Variants in GDF1 observed in about 807,000 individuals in gnomAD.
The protein encoded by GDF1 is embryonic growth/differentiation factor 1.
In GDF1, 8 loss-of-function variants were observed where a neutral mutation model predicts 7.4. The ratio of observed to expected loss-of-function variants is 1.09; its 90% CI spans 0.64 to 1.96. GDF1 has a LOEUF of 1.96. Ranked by LOEUF, GDF1 falls within the 30% of genes most tolerant of loss-of-function variation. The pLI is 0.00. For missense variants in GDF1, 574 were observed against 551.5 expected (o/e 1.04, Z -0.41); for synonymous variants, 311 against 276.7 (o/e 1.12, Z -1.23).
Position 18,869,299 on chromosome 19 carries a change from A to T in GDF1, c.417T>A (p.Ala139=). The T allele has an allele frequency of 3.3e-6, 5 of 1,514,974 alleles. No individual in the cohort carries two copies. Among genetic ancestry groups the T allele is most frequent in the Non-Finnish European group, 4.4e-6 (5 of 1,138,932 alleles). The allele number at this position is 1,514,974 out of a possible 1,614,324, so 93.8% of individuals were successfully genotyped here. ...VVFDLSAVEP[A]ERPSRARLEL... ...CCAGGCGGGCCCGGCTCGGGCGCTC[A>T]GCGGGTTCCACAGCCGACAGGTCGA... The change falls in exon 8 of 8, where the codon GCT becomes GCA. Residue 139 remains alanine, a synonymous_variant. Coordinates refer to ENST00000247005, the MANE Select transcript of GDF1 (RefSeq NM_001492.6).
chr19:18,869,451 C>G (rs973806207), intron 7 of GDF1, 61 bp from the exon 8 acceptor site: 2 of 1,499,946 alleles, frequency 1.3e-6, no homozygotes, highest in African/African-American at 2.8e-5. Context: ...CATGGGGTCT[C>G]GGTTAGGGAC....
chr19:18,894,410 G>C (rs962729555), intron 1 of GDF1, among the ~76,000 whole-genome samples: 4 of 152,164 alleles, frequency 2.6e-5, no homozygotes, highest in South Asian at 4.1e-4. Flanking sequence ...CTGGCAACCA[G>C]GCTGCTGCCA....
At chr19:18,879,209 G>T in intron 5 of GDF1, 32 bp downstream of exon 5, 1 of 1,612,376 alleles carries the variant, frequency 6.2e-7, no homozygotes, top group Non-Finnish European at 8.5e-7. Context: ...GGACGGGACC[G>T]CCACTGTGGA....
chr19:18,868,594 G>T lies in GDF1; in HGVS notation c.*3C>A. ...TTGGGCCCGCGTCCCTGCCCGCCCC[G>T]GGTTAGCGGCAGCCGCACTCGTCCA... On this transcript the variant is annotated 3_prime_UTR_variant, in exon 8 of 8. Coordinates refer to ENST00000247005, the MANE Select transcript of GDF1 (RefSeq NM_001492.6). 1 of 1,553,590 alleles carries T rather than the reference G, an allele frequency of 6.4e-7. No individual in the cohort carries two copies. The highest frequency in any genetic ancestry group is 8.7e-7 in the Non-Finnish European group (1 of 1,147,664).
intron 6 of GDF1, among the ~76,000 whole-genome samples, chr19:18,872,171 GC>G (rs2055982071): frequency 1.3e-5 from 2 of 152,210 alleles, no homozygotes; most frequent in South Asian, 4.1e-4. Flanking sequence ...GGTGATGGGT[GC>G]CCCCGCCCTG....
chr19:18,895,801 T>C lies in GDF1; in HGVS notation c.-1074+23A>G. 1 of 1,195,070 alleles carries C rather than the reference T, an allele frequency of 8.4e-7. No homozygotes were observed. The highest frequency in any genetic ancestry group is 1.0e-6 in the Non-Finnish European group (1 of 954,152). The allele number at this position is 1,195,070 out of a possible 1,614,324, so 74.0% of individuals were successfully genotyped here. On this transcript the variant is annotated intron_variant, in intron 1 of 7. Coordinates refer to ENST00000247005, the MANE Select transcript of GDF1 (RefSeq NM_001492.6). This position sits in a 1 kb window ranked among gnomAD's most constrained non-coding sequence, Gnocchi z 6.4. ...CTTCCCCCAGTCCGGGGTCCCCTCGTCCCGGCCCCCGGCCACACTGACCCG... is the reference window on the plus strand; with the variant it reads ...CTTCCCCCAGTCCGGGGTCCCCTCGCCCCGGCCCCCGGCCACACTGACCCG...
Position 18,884,152 on chromosome 19 carries a change from G to C in GDF1, c.-798C>G, listed in dbSNP as rs370642443. ...CGTGGTGGAGCAGCATGACCACCGA[G>C]TCCTTGCGCCAGGTGTCCATGTATA... On this transcript the variant is annotated 5_prime_UTR_variant, in exon 3 of 8. Transcript: ENST00000247005. 2.5e-6 allele frequency: 4 copies of C among 1,613,716 alleles called. No individual in the cohort carries two copies. In the African/African-American group the frequency reaches 4.0e-5, roughly 16 times the overall value.
At chr19:18,892,237 G>A (rs2056508002) in intron 2 of GDF1, among the ~76,000 whole-genome samples, 2 of 151,546 alleles carry the variant, frequency 1.3e-5, no homozygotes, top group South Asian at 2.1e-4. Flanking sequence ...TGCAAGCCGA[G>A]GGGACCCTCC....
chr19:18,896,067 C>A lies in GDF1; in HGVS notation c.-1317G>T. On this transcript the variant is annotated 5_prime_UTR_variant, in exon 1 of 8. Coordinates refer to ENST00000247005, the MANE Select transcript of GDF1 (RefSeq NM_001492.6). This position sits in a 1 kb window ranked among gnomAD's most constrained non-coding sequence, Gnocchi z 5.9. ...TCGGCCCCGCCGCGGGCCCCGCCGC[C>A]GCCATACCGCCCGCTCGCCCGCCGT... The A allele has an allele frequency of 1.0e-6, 1 of 974,538 alleles. No homozygotes were observed. 60.4% of individuals were successfully genotyped at this position (974,538 alleles called of 1,614,324 possible). A position where few individuals can be genotyped will look rare whatever the true frequency, so the allele number is the denominator to read the frequency against.
In GDF1 at chr19:18,870,137, C is replaced by T. The variant is rs968287517; in HGVS notation, c.171G>A (p.Pro57=). 6.4e-7 allele frequency: 1 copy of T among 1,564,510 alleles called. No individual in the cohort carries two copies. The highest frequency in any genetic ancestry group is 1.3e-5 in the African/African-American group (1 of 74,546). The change falls in exon 7 of 8, where the codon CCG becomes CCA. Residue 57 remains proline (P), a synonymous_variant. Transcript: ENST00000247005. The surrounding 1 kb of genome is among the most constrained non-coding windows in gnomAD (Gnocchi z 5.1). The part of the protein sequence containing the change: ...DEPQGAPRLR[P]VPPVMWRLFR... Reference sequence around the variant, plus strand: ...ACAGGCGCCACATGACCGGGGGAACCGGCCGGAGCCTGGGGGCACCCTGGG... The same window carrying T: ...ACAGGCGCCACATGACCGGGGGAACTGGCCGGAGCCTGGGGGCACCCTGGG...
At chr19:18,880,132 T>C in intron 4 of GDF1, 142 bp downstream of exon 4, 1 of 607,908 alleles carries the variant, frequency 1.6e-6, no homozygotes, top group South Asian at 2.1e-5. Context: ...CCCACCCAAA[T>C]CATGAGGCCC....
chr19:18,869,427 G>A (rs746250122), intron 7 of GDF1, 37 bp from the exon 8 acceptor site: 1 of 1,522,180 alleles, frequency 6.6e-7, no homozygotes. Context: ...CTCGCGCTGC[G>A]TCCCCGGCCT....
At chr19:18,893,814 G>A (rs1011541962) in intron 1 of GDF1, among the ~76,000 whole-genome samples, 18 of 152,102 alleles carry the variant, frequency 1.2e-4, no homozygotes, top group East Asian at 1.9e-4. Context: ...GGGAGGCCCC[G>A]AGGGGAGCAG....
rs1377100866 is a variant in GDF1, at chr19:18,878,013, C to T, written c.-313+917G>A. 1 of 985,424 alleles carries T rather than the reference C, an allele frequency of 1.0e-6. No homozygotes were observed. Among genetic ancestry groups the T allele is most frequent in the African/African-American group, 1.7e-5 (1 of 57,210 alleles). The allele number at this position is 985,424 out of a possible 1,614,324, so 61.0% of individuals were successfully genotyped here. ...GGTGGGGGGTCTGACGCTCCTCTGC[C>T]TGGCTACAGCCCCGGATGTGTTAAA... On this transcript the variant is annotated intron_variant, in intron 6 of 7. Coordinates refer to ENST00000247005, the MANE Select transcript of GDF1 (RefSeq NM_001492.6). The surrounding 1 kb of genome is among the most constrained non-coding windows in gnomAD (Gnocchi z 4.6).
At chr19:18,877,395 C>T (rs2056077376) in intron 6 of GDF1, among the ~76,000 whole-genome samples, 1 of 152,158 alleles carries the variant, frequency 6.6e-6, no homozygotes, top group Non-Finnish European at 1.5e-5. Flanking sequence ...CAAACTGGTG[C>T]CCCCTTTAGC....
intron 6 of GDF1, among the ~76,000 whole-genome samples, chr19:18,872,637 C>T (rs1202526392): frequency 6.6e-6 from 1 of 152,076 alleles, no homozygotes; most frequent in Non-Finnish European, 1.5e-5. Flanking sequence ...TGCCTCAGCC[C>T]CCCAAGTAGC....
chr19:18,894,777 G>A (rs962800472), intron 1 of GDF1, among the ~76,000 whole-genome samples: 1 of 152,126 alleles, frequency 6.6e-6, no homozygotes, highest in African/African-American at 2.4e-5. Flanking sequence ...GGGGAGAGTG[G>A]CAGTCAGACA....
At chr19:18,891,121 CAA>C (rs879696067) in intron 2 of GDF1, among the ~76,000 whole-genome samples, 8 of 99,722 alleles carry the variant, frequency 8.0e-5, no homozygotes, top group Non-Finnish European at 8.5e-5. Flanking sequence ...GAGACTGTCT[CAA>C]AAAAAAAAAA....
intron 3 of GDF1, chr19:18,881,584 A>T (rs982529753): frequency 6.6e-6 from 1 of 152,142 alleles, no homozygotes; most frequent in African/African-American, 2.4e-5. Context: ...CATCTGACAG[A>T]TGAGCTGCCC....
Sources: gnomAD v4.1 joint callset for allele counts (sites outside exome capture counted in the v4.1 genomes callset) on GRCh38, gnomAD v4.1.1 for gene constraint, Gnocchi (gnomAD v3.1) non-coding constraint, MANE v1.5 for transcripts, NCBI Gene and HGNC (gene_info 2026-07-23, HGNC 2026-07-21) for gene names.